CPAMD8: variants seen among roughly 807,000 people sequenced by gnomAD.
CPAMD8 encodes the protein C3 and PZP like alpha-2-macroglobulin domain containing 8.
In CPAMD8, 146 loss-of-function variants were observed where a neutral mutation model predicts 224.7. The observed-to-expected ratio is 0.65, with a 90% confidence interval of 0.57 to 0.75. CPAMD8 has a LOEUF of 0.75. Ranked by LOEUF, CPAMD8 falls within the 30% of genes least tolerant of loss-of-function variation. The pLI is 0.00. For missense variants in CPAMD8, 2,301 were observed against 2,537.5 expected (o/e 0.91, Z 2.00); for synonymous variants, 966 against 1,044.6 (o/e 0.92, Z 1.45).
At chr19:16,987,179 A>AAAAAAATATAT (rs1555784836) in intron 13 of CPAMD8, among the ~76,000 whole-genome samples, 9 of 53,908 alleles carry the variant, frequency 1.7e-4, no homozygotes, top group African/African-American at 4.2e-4. Flanking sequence ...AAAAAAAAAA[A>AAAAAAATATAT]ATATATATAT....
chr19:16,958,400 C>T (rs573890369), intron 18 of CPAMD8, among the ~76,000 whole-genome samples: 3 of 152,254 alleles, frequency 2.0e-5, no homozygotes, highest in Non-Finnish European at 4.4e-5. Context: ...CATTAGTTTG[C>T]TAAGGATAAT....
At chr19:17,005,470 C>A (rs909262317) in intron 7 of CPAMD8, among the ~76,000 whole-genome samples, 1 of 151,890 alleles carries the variant, frequency 6.6e-6, no homozygotes, top group South Asian at 2.1e-4. Context: ...AACATCCCCC[C>A]AGAAACACCA....
At chr19:16,935,827 GT>G (rs1424946671) in intron 23 of CPAMD8, among the ~76,000 whole-genome samples, 5 of 152,000 alleles carry the variant, frequency 3.3e-5, no homozygotes, top group Non-Finnish European at 7.4e-5. Flanking sequence ...CCACCAAACT[GT>G]TTTTAAAAAC....
Position 16,974,155 on chromosome 19 carries a change from G to A in CPAMD8, c.2070+942C>T, listed in dbSNP as rs550668515. On this transcript the variant is annotated intron_variant, in intron 17 of 41. Coordinates refer to ENST00000443236, the MANE Select transcript of CPAMD8 (RefSeq NM_015692.5). ...CATTAGCCCTTTTTTTTTTTGAGACGGAGTCTCGCTCTGTCGCCCAGGCTG... is the reference window on the plus strand; with the variant it reads ...CATTAGCCCTTTTTTTTTTTGAGACAGAGTCTCGCTCTGTCGCCCAGGCTG... Among the ~76,000 whole-genome samples the A allele has an allele frequency of 3.3e-4, 50 of 150,956 alleles. 1 individual carries two copies. The South Asian group carries it at 0.01, about 31-fold the overall frequency.
intron 11 of CPAMD8, 36 bp from the exon 12 acceptor site, chr19:16,993,622 A>G (rs2056032835): frequency 6.3e-7 from 1 of 1,598,994 alleles, no homozygotes; most frequent in Non-Finnish European, 8.6e-7. Context: ...CAGAGTTAAG[A>G]CGGCCATGCT....
intron 1 of CPAMD8, 31 bp from the exon 2 acceptor site, chr19:17,022,212 TCA>T (rs776434746): frequency 6.2e-7 from 1 of 1,600,700 alleles, no homozygotes; most frequent in Non-Finnish European, 8.5e-7. Context: ...GGTGAAGTTC[TCA>T]CCCCAGACCC....
At chr19:16,901,710 T>C (rs1041069914) in intron 35 of CPAMD8, among the ~76,000 whole-genome samples, 2 of 152,072 alleles carry the variant, frequency 1.3e-5, no homozygotes, top group Non-Finnish European at 2.9e-5. Flanking sequence ...CCGGCCTCAG[T>C]TTCTCCTTCT....
intron 25 of CPAMD8, among the ~76,000 whole-genome samples, chr19:16,927,474 G>A (rs1402206675): frequency 6.6e-6 from 1 of 152,038 alleles, no homozygotes; most frequent in East Asian, 1.9e-4. Context: ...TCAGCAGCAT[G>A]AAAACAGACT....
chr19:16,977,585 C>T (rs751919616), intron 14 of CPAMD8, 45 bp from the exon 15 acceptor site: 37 of 1,448,822 alleles, frequency 2.6e-5, no homozygotes, highest in Admixed American at 6.8e-5. Flanking sequence ...TCTCCGCATC[C>T]GACATGCAAC....
At chr19:16,926,328 A>ATTTTC (rs1293291187) in intron 25 of CPAMD8, among the ~76,000 whole-genome samples, 2 of 149,840 alleles carry the variant, frequency 1.3e-5, no homozygotes, top group Non-Finnish European at 2.9e-5. Flanking sequence ...ATTTTATTTT[A>ATTTTC]TTTATTTTTA....
At chr19:17,001,205 C>G (rs924292354) in intron 9 of CPAMD8, among the ~76,000 whole-genome samples, 1 of 151,728 alleles carries the variant, frequency 6.6e-6, no homozygotes, top group Non-Finnish European at 1.5e-5. Context: ...GCTTGTGATC[C>G]CAGCTACTAG....
At chr19:17,023,272 C>T (rs954030301) in intron 1 of CPAMD8, among the ~76,000 whole-genome samples, 4 of 152,116 alleles carry the variant, frequency 2.6e-5, no homozygotes, top group African/African-American at 9.7e-5. Context: ...CCAGATCACA[C>T]AGCCAGGCAG....
At chr19:17,023,570 T>G (rs1261322582) in intron 1 of CPAMD8, among the ~76,000 whole-genome samples, 3 of 151,960 alleles carry the variant, frequency 2.0e-5, no homozygotes, top group African/African-American at 7.2e-5. Flanking sequence ...CTTTTTTTAT[T>G]TTTATTTATT....
chr19:16,953,517 C>T (rs2122392579), intron 19 of CPAMD8, among the ~76,000 whole-genome samples: 2 of 151,884 alleles, frequency 1.3e-5, no homozygotes, highest in East Asian at 3.9e-4. Flanking sequence ...CTGAGCAACA[C>T]AGCAAGACCC....
chr19:16,989,830 G>A, intron 12 of CPAMD8, 59 bp from the exon 13 acceptor site: 1 of 1,552,436 alleles, frequency 6.4e-7, no homozygotes. Flanking sequence ...AGGGGGTCTT[G>A]GGGATGCTTC....
chr19:17,026,157 C>G (rs1015994000), intron 1 of CPAMD8, among the ~76,000 whole-genome samples: 1 of 152,212 alleles, frequency 6.6e-6, no homozygotes, highest in Admixed American at 6.5e-5. Flanking sequence ...GCAAAACAAA[C>G]ACTTCCTCCT....
intron 14 of CPAMD8, 74 bp from the exon 15 acceptor site, chr19:16,977,614 G>GT: frequency 4.3e-6 from 5 of 1,149,858 alleles, no homozygotes; most frequent in Non-Finnish European, 6.1e-6. Context: ...TTCAGGCTCT[G>GT]CCCCAATTTG....
At chr19:16,930,513 A>G (rs1342090722) in intron 23 of CPAMD8, among the ~76,000 whole-genome samples, 1 of 152,188 alleles carries the variant, frequency 6.6e-6, no homozygotes, top group Non-Finnish European at 1.5e-5. Context: ...AGTGACAAGA[A>G]ACACCTAAAG....
chr19:17,002,221 G>C (rs1366504212), intron 9 of CPAMD8, 45 bp downstream of exon 9: 1 of 1,289,790 alleles, frequency 7.8e-7, no homozygotes, highest in Non-Finnish European at 1.1e-6. Context: ...GGTTGGGGAA[G>C]GGGAAGGGCC....
Sources: gnomAD v4.1 joint callset for allele counts (sites outside exome capture counted in the v4.1 genomes callset) on GRCh38, gnomAD v4.1.1 for gene constraint, MANE v1.5 for transcripts, NCBI Gene and HGNC (gene_info 2026-07-23, HGNC 2026-07-21) for gene names.